ANOS1: variants seen among roughly 807,000 people sequenced by gnomAD.
ANOS1 encodes anosmin-1.
A neutral mutation model predicts 59.0 loss-of-function variants in ANOS1; 6 were observed. The observed-to-expected ratio is 0.10, with a 90% CI of 0.06 to 0.20. ANOS1 has a LOEUF of 0.20. Ranked by LOEUF, ANOS1 falls within the 10% of genes least tolerant of loss-of-function variation. The pLI, the probability that ANOS1 is intolerant of heterozygous loss-of-function variation, is 1.00. For missense variants in ANOS1, 433 were observed against 542.3 expected (o/e 0.80, Z 2.00); for synonymous variants, 217 against 223.4 (o/e 0.97, Z 0.25).
At chrX:8,566,105 TGG>T (rs959530696) in intron 8 of ANOS1, 16 of 753,170 alleles carry the variant, frequency 2.1e-5, no homozygotes, top group Admixed American at 1.7e-4. Context: ...CCATTCCTTG[TGG>T]GCCTGCAGAT....
intron 2 of ANOS1, among the ~76,000 whole-genome samples, chrX:8,667,271 T>C (rs755029102): frequency 7.3e-5 from 8 of 110,344 alleles, no homozygotes; most frequent in Middle Eastern, 4.7e-3. Flanking sequence ...CTTCTCTAAT[T>C]TCCATAAAGC....
intron 6 of ANOS1, among the ~76,000 whole-genome samples, chrX:8,580,809 A>G (rs1930408163): frequency 9.0e-6 from 1 of 111,552 alleles, no homozygotes; most frequent in South Asian, 3.8e-4. Flanking sequence ...AATAAAAATA[A>G]AAACCCTTCC....
At chrX:8,541,399 G>A (rs186650840) in intron 9 of ANOS1, among the ~76,000 whole-genome samples, 3,503 of 86,741 alleles carry the variant, frequency 0.04, 156 homozygotes, top group African/African-American at 0.13. Context: ...GCAAAACTCC[G>A]TCTCCCACCA....
chrX:8,670,359 A>G (rs1215073212), intron 2 of ANOS1, among the ~76,000 whole-genome samples: 1 of 111,290 alleles, frequency 9.0e-6, no homozygotes, highest in East Asian at 2.8e-4. Flanking sequence ...GGGCAGGGAG[A>G]TAATGGTGAT....
rs1387148608 is a variant in ANOS1 at position 8,544,024 on chromosome X, G to C, written c.1355-4266C>G. On this transcript the variant is annotated intron_variant, in intron 9 of 13. Transcript: ENST00000262648. ...AAGTACCTGAAAAGTATTTTTAAGT[G>C]ATAAAAAATTTACCTGTAATATGCT... is the stretch of plus-strand genomic sequence containing the variant. Among the ~76,000 whole-genome samples the C allele has an allele frequency of 4.5e-5, 5 of 109,981 alleles. No individual in the cohort carries two copies. The Admixed American group carries it at 4.8e-4, about 11-fold the overall frequency.
At chrX:8,620,479 A>G (rs1027423351) in intron 3 of ANOS1, among the ~76,000 whole-genome samples, 1 of 111,934 alleles carries the variant, frequency 8.9e-6, no homozygotes, top group Non-Finnish European at 1.9e-5. Context: ...GCTTAGAGTC[A>G]TGACAATATG....
At chrX:8,534,547 C>T in intron 12 of ANOS1, 87 bp from the exon 13 acceptor site, 1 of 977,535 alleles carries the variant, frequency 1.0e-6, no homozygotes, top group Non-Finnish European at 1.4e-6. Context: ...CAGTTTTTCC[C>T]CCACTGGAGA....
intron 2 of ANOS1, among the ~76,000 whole-genome samples, chrX:8,694,589 A>T (rs1465279367): frequency 8.9e-6 from 1 of 112,317 alleles, no homozygotes; most frequent in African/African-American, 3.2e-5. Flanking sequence ...GAATCACTTG[A>T]GCCTGGAAGG....
rs6640206 is a variant in ANOS1, at chrX:8,666,410, C to G, written c.255+33288G>C. On this transcript the variant is annotated intron_variant, in intron 2 of 13. Coordinates refer to ENST00000262648, the MANE Select transcript of ANOS1 (RefSeq NM_000216.4). Reference sequence around the variant, plus strand: ...TATTATCAATTCAACAACTCCCCAACCAGTATTAGATTATTTTCCCTATAT... The same window carrying G: ...TATTATCAATTCAACAACTCCCCAAGCAGTATTAGATTATTTTCCCTATAT... Among the ~76,000 whole-genome samples, 450 of 111,404 alleles carry G rather than the reference C, an allele frequency of 4.0e-3. 1 individual carries two copies. Among genetic ancestry groups the G allele is most frequent in the African/African-American group, 0.014 (427 of 30,686 alleles).
chrX:8,584,100 T>G (rs1424384068), intron 6 of ANOS1, among the ~76,000 whole-genome samples: 1 of 112,156 alleles, frequency 8.9e-6, no homozygotes, highest in Non-Finnish European at 1.9e-5. Context: ...TGAGGTCTGA[T>G]TTTGCAGTCT....
chrX:8,664,693 G>A (rs1932105101), intron 2 of ANOS1, among the ~76,000 whole-genome samples: 1 of 111,172 alleles, frequency 9.0e-6, no homozygotes, highest in Non-Finnish European at 1.9e-5. Context: ...ACCAAATAAG[G>A]TGTAAGTTAA....
chrX:8,637,259 A>G (rs774027855), intron 2 of ANOS1, among the ~76,000 whole-genome samples: 2 of 112,011 alleles, frequency 1.8e-5, no homozygotes, highest in South Asian at 7.5e-4. Context: ...GGCAATGCAA[A>G]TGTCAGTTTC....
intron 1 of ANOS1, 146 bp downstream of exon 1, chrX:8,731,684 T>C (rs1932978860): frequency 2.9e-6 from 3 of 1,031,086 alleles, no homozygotes; most frequent in Non-Finnish European, 3.8e-6. Context: ...GCACCCCGAC[T>C]GTAAGATCCA....
intron 1 of ANOS1, among the ~76,000 whole-genome samples, chrX:8,716,911 G>T (rs1932844857): frequency 8.9e-6 from 1 of 111,743 alleles, no homozygotes; most frequent in Admixed American, 9.5e-5. Flanking sequence ...AGATGGAATA[G>T]ATATGGATAT....
intron 6 of ANOS1, among the ~76,000 whole-genome samples, chrX:8,574,149 C>A (rs955893650): frequency 9.0e-6 from 1 of 110,660 alleles, no homozygotes; most frequent in African/African-American, 3.3e-5. Context: ...CACTGGTTCC[C>A]ATGCTGTTTC....
chrX:8,598,595 T>C lies in ANOS1; in HGVS notation c.319-1339A>G, dbSNP rs182019549. On this transcript the variant is annotated intron_variant, in intron 3 of 13. Transcript: ENST00000262648. ...CCAGCCCCAGCCCTCCACCCAGCCC[T>C]ATCCCTAACCCTCTTTTTGCTTTAT... Among the ~76,000 whole-genome samples the C allele has an allele frequency of 8.2e-3, 908 of 111,222 alleles. 17 individuals carry two copies. Among genetic ancestry groups the C allele is most frequent in the African/African-American group, 0.028 (857 of 30,555 alleles).
At chrX:8,725,942 C>T (rs969068973) in intron 1 of ANOS1, among the ~76,000 whole-genome samples, 4 of 109,746 alleles carry the variant, frequency 3.6e-5, no homozygotes, top group African/African-American at 6.6e-5. Context: ...GGGTCAAATT[C>T]AGAACGTGTT....
intron 2 of ANOS1, among the ~76,000 whole-genome samples, chrX:8,696,921 G>T (rs1398211563): frequency 8.9e-6 from 1 of 112,413 alleles, no homozygotes; most frequent in African/African-American, 3.2e-5. Context: ...TATTCTCTAG[G>T]GTTGAGTGGT....
At chrX:8,620,310 G>A (rs750293185) in intron 3 of ANOS1, among the ~76,000 whole-genome samples, 5 of 112,008 alleles carry the variant, frequency 4.5e-5, no homozygotes, top group Admixed American at 1.9e-4. Flanking sequence ...TTTGCCTTGC[G>A]AGTCATGGTT....
Sources: allele counts gnomAD v4.1 joint callset (sites outside exome capture counted in the v4.1 genomes callset), GRCh38; gene constraint gnomAD v4.1.1; transcripts MANE v1.5; gene names NCBI Gene and HGNC (gene_info 2026-07-23, HGNC 2026-07-21).